Variants in UNC79 observed in about 807,000 individuals in gnomAD.
UNC79 encodes the protein protein unc-79 homolog.
Under a neutral mutation model 283.1 loss-of-function variants are expected in UNC79, and 37 were observed. That is an observed-to-expected ratio of 0.13 (90% CI 0.10 to 0.17). The LOEUF is 0.17. UNC79 is among the 10% of genes least tolerant of loss of function. The pLI is 1.00. For synonymous variants in UNC79, 1,107 were observed against 1,200.2 expected (o/e 0.92, Z 1.61); for missense variants, 2,272 against 3,211.1 (o/e 0.71, Z 7.07).
intron 1 of UNC79, among the ~76,000 whole-genome samples, chr14:93,347,592 CCGT>C (rs1201884102): frequency 6.6e-6 from 1 of 151,972 alleles, no homozygotes; most frequent in African/African-American, 2.4e-5. Context: ...GGTGAGGATG[CCGT>C]CGTCGGGCAC....
chr14:93,522,614 T>G (rs2060373043), intron 7 of UNC79, among the ~76,000 whole-genome samples: 2 of 152,166 alleles, frequency 1.3e-5, no homozygotes, highest in African/African-American at 4.8e-5. Flanking sequence ...TATGGGAAAC[T>G]AATCTCATAG....
rs1441879259 is a variant in UNC79 at position 93,465,091 on chromosome 14, T to C, written c.23-2580T>C. Among the ~76,000 whole-genome samples, 3 of 152,192 alleles carry C rather than the reference T, an allele frequency of 2.0e-5. No individual in the cohort carries two copies. The East Asian group carries it at 5.8e-4, about 29-fold the overall frequency. ...TCATGATTACTCACCACTCTCTTCC[T>C]CTTTCTCTGTCCCACTTTCTTTCTT... On this transcript the variant is annotated intron_variant, in intron 1 of 48. Transcript: ENST00000555664.
intron 14 of UNC79, among the ~76,000 whole-genome samples, chr14:93,549,443 A>G (rs2061762779): frequency 1.3e-5 from 2 of 152,200 alleles, no homozygotes; most frequent in African/African-American, 4.8e-5. Flanking sequence ...TGTTTTTATT[A>G]AACCAACAAT....
chr14:93,349,461 T>A (rs2053939131), intron 1 of UNC79, among the ~76,000 whole-genome samples: 1 of 152,210 alleles, frequency 6.6e-6, no homozygotes, highest in South Asian at 2.1e-4. Flanking sequence ...ACTATGGGGT[T>A]ACAATCTTCC....
At chr14:93,438,702 T>A (rs2056186731) in intron 1 of UNC79, among the ~76,000 whole-genome samples, 1 of 151,960 alleles carries the variant, frequency 6.6e-6, no homozygotes, top group Non-Finnish European at 1.5e-5. Context: ...GCGTTAGATC[T>A]TTTTCATTCT....
chr14:93,700,630 A>T (rs983257310), intron 47 of UNC79, among the ~76,000 whole-genome samples: 22 of 152,208 alleles, frequency 1.4e-4, no homozygotes, highest in Admixed American at 6.5e-4. Flanking sequence ...CATATAAAAT[A>T]TTCTTAAGCT....
chr14:93,575,057 G>T lies in UNC79; in HGVS notation c.2071-1G>T. The T allele has an allele frequency of 6.3e-7, 1 of 1,598,352 alleles. No individual in the cohort carries two copies. Among genetic ancestry groups the T allele is most frequent in the Non-Finnish European group, 8.5e-7 (1 of 1,173,986 alleles). On this transcript the variant is annotated splice_acceptor_variant, in intron 16 of 48. Transcript: ENST00000555664. LOFTEE classifies it high-confidence loss of function. ...GGGGGATATATGCCTTTTTTCCCTA[G>T]GTATTATCGGAGTTAGATATCATGG...
chr14:93,474,853 A>C lies in UNC79; in HGVS notation c.448+460A>C, dbSNP rs1389086657. Among the ~76,000 whole-genome samples the C allele has an allele frequency of 6.6e-6, 1 of 152,236 alleles. No individual in the cohort carries two copies. Among genetic ancestry groups the C allele is most frequent in the East Asian group, 1.9e-4 (1 of 5,198 alleles). ...TTTTTCCTGTCTCTTTAATAAAGTC[A>C]GGAGGTTAGATGAGAAGTAATCTCT... On this transcript the variant is annotated intron_variant, in intron 3 of 48. Coordinates refer to ENST00000555664, the Ensembl canonical transcript of UNC79. The surrounding 1 kb of genome is among the most constrained non-coding windows in gnomAD (Gnocchi z 4.1).
At chr14:93,381,739 G>A (rs528052251) in intron 1 of UNC79, among the ~76,000 whole-genome samples, 5 of 152,208 alleles carry the variant, frequency 3.3e-5, no homozygotes, top group South Asian at 2.1e-4. Flanking sequence ...CATGTGTCAC[G>A]GGAACTGCTG....
intron 7 of UNC79, among the ~76,000 whole-genome samples, chr14:93,504,746 A>G (rs908701391): frequency 6.6e-6 from 1 of 152,038 alleles, no homozygotes; most frequent in African/African-American, 2.4e-5. Flanking sequence ...ATAATTTATT[A>G]TGGTAGTCTT....
intron 1 of UNC79, among the ~76,000 whole-genome samples, chr14:93,416,619 G>A (rs1355277814): frequency 6.6e-6 from 1 of 152,060 alleles, no homozygotes; most frequent in African/African-American, 2.4e-5. Flanking sequence ...TTGACAGTGG[G>A]GTGTTAAAGT....
intron 1 of UNC79, among the ~76,000 whole-genome samples, chr14:93,360,546 A>G (rs1427027169): frequency 6.6e-6 from 1 of 152,216 alleles, no homozygotes; most frequent in Admixed American, 6.5e-5. Context: ...TGACTTGGCA[A>G]ATGCCTTTTT....
At chr14:93,683,516 C>T (rs2074005327) in intron 42 of UNC79, among the ~76,000 whole-genome samples, 1 of 152,154 alleles carries the variant, frequency 6.6e-6, no homozygotes. Context: ...GAAGACAGAC[C>T]TGGGGAGTGG....
intron 19 of UNC79, 42 bp downstream of exon 19, chr14:93,580,418 T>C: frequency 6.3e-7 from 1 of 1,576,186 alleles, no homozygotes; most frequent in Non-Finnish European, 8.7e-7. Context: ...TATAATAGCA[T>C]TAAAGACTGC....
At chr14:93,623,064 T>A (rs1001108544) in intron 30 of UNC79, among the ~76,000 whole-genome samples, 1 of 152,206 alleles carries the variant, frequency 6.6e-6, no homozygotes, top group Non-Finnish European at 1.5e-5. Flanking sequence ...TTTGTTGTTT[T>A]AAACTCTGCA....
At chr14:93,457,319 T>A (rs2056824123) in intron 1 of UNC79, among the ~76,000 whole-genome samples, 1 of 152,206 alleles carries the variant, frequency 6.6e-6, no homozygotes, top group South Asian at 2.1e-4. Flanking sequence ...ATAGCATGCA[T>A]TGATAAATGC....
At chr14:93,660,563 A>ATATATATATGTGTG (rs1203621990) in intron 39 of UNC79, among the ~76,000 whole-genome samples, 24 of 64,780 alleles carry the variant, frequency 3.7e-4, no homozygotes, top group Non-Finnish European at 4.1e-4. Context: ...ATATATATAT[A>ATATATATATGTGTG]TGTGTGTGTG....
chr14:93,569,126 A>C (rs1033247001), intron 14 of UNC79, among the ~76,000 whole-genome samples: 1 of 152,318 alleles, frequency 6.6e-6, no homozygotes, highest in Admixed American at 6.5e-5. Context: ...ACTTCCTTGG[A>C]TGTTTGCATT....
Position 93,631,465 on chromosome 14 carries a change from G to A in UNC79, c.5716+557G>A, listed in dbSNP as rs544403350. 2.6e-5 allele frequency among the ~76,000 whole-genome samples: 4 copies of A among 152,160 alleles called. No homozygotes were observed. In the East Asian group the frequency reaches 7.7e-4, roughly 29 times the overall value. ...ATTTTGAAACTGGCTTCTGTTACTG[G>A]GTCCTAGATTTTGTCCATGGGAGCT... On this transcript the variant is annotated intron_variant, in intron 31 of 48. Coordinates refer to ENST00000555664, the Ensembl canonical transcript of UNC79.
Sources: allele counts gnomAD v4.1 joint callset (sites outside exome capture counted in the v4.1 genomes callset), GRCh38; gene constraint gnomAD v4.1.1; non-coding constraint Gnocchi (gnomAD v3.1); transcripts MANE v1.5; gene names NCBI Gene and HGNC (gene_info 2026-07-23, HGNC 2026-07-21).